Variants in KALRN observed in about 807,000 individuals in gnomAD.
The protein encoded by KALRN is kalirin.
A neutral mutation model predicts 353.7 loss-of-function variants in KALRN; 70 were observed. That is an observed-to-expected ratio of 0.20 (90% CI 0.16 to 0.24). KALRN has a LOEUF of 0.24. KALRN is among the 10% of genes least tolerant of loss of function. The pLI is 1.00. For synonymous variants in KALRN, 1,391 were observed against 1,434.8 expected, an observed-to-expected ratio of 0.97 and a Z score of 0.69; for missense variants, 2,791 against 3,756.7, an observed-to-expected ratio of 0.74 and a Z score of 6.72.
intron 1 of KALRN, among the ~76,000 whole-genome samples, chr3:124,120,711 A>AATATATATATATATATATATATATAT (rs368470724): frequency 5.1e-5 from 5 of 98,928 alleles, no homozygotes; most frequent in African/African-American, 1.7e-4. Flanking sequence ...GAATACTAAA[A>AATATATATATATATATATATATATAT]ATATATATAT....
chr3:124,490,893 G>A lies in KALRN; in HGVS notation c.4587+9G>A. On this transcript the variant is annotated intron_variant, in intron 30 of 59. Coordinates refer to ENST00000682506, the MANE Select transcript of KALRN (RefSeq NM_001388419.1). ...ACAAGAACAAGCTACTGGTAGGTGGGGCAGGTGGGGTAAGACAAGACTCCC... is the reference window on the plus strand; with the variant it reads ...ACAAGAACAAGCTACTGGTAGGTGGAGCAGGTGGGGTAAGACAAGACTCCC... 1 of 1,603,306 alleles carries A rather than the reference G, an allele frequency of 6.2e-7. No homozygotes were observed. The highest frequency in any genetic ancestry group is 8.5e-7 in the Non-Finnish European group (1 of 1,175,198).
rs181093337 is a variant in KALRN, at chr3:124,167,460, C to T, written c.74-60530C>T. Reference sequence around the variant, plus strand: ...ACCCGAGGAGAAAGATACAGCAAACCTGTTTTCCCATCTGTGAAATAAAGG... The same window carrying T: ...ACCCGAGGAGAAAGATACAGCAAACTTGTTTTCCCATCTGTGAAATAAAGG... On this transcript the variant is annotated intron_variant, in intron 1 of 59. Coordinates refer to ENST00000682506, the MANE Select transcript of KALRN (RefSeq NM_001388419.1). 1.8e-3 allele frequency among the ~76,000 whole-genome samples: 273 copies of T among 152,320 alleles called. 1 individual carries two copies. Among genetic ancestry groups the T allele is most frequent in the African/African-American group, 6.4e-3 (264 of 41,558 alleles).
chr3:124,582,442 G>A (rs1166448290), intron 34 of KALRN, among the ~76,000 whole-genome samples: 1 of 152,172 alleles, frequency 6.6e-6, no homozygotes, highest in Non-Finnish European at 1.5e-5. Context: ...AACCATCAGG[G>A]AGATGGCAGT....
intron 1 of KALRN, among the ~76,000 whole-genome samples, chr3:124,086,263 T>C (rs1480497632): frequency 6.6e-6 from 1 of 151,950 alleles, no homozygotes; most frequent in Non-Finnish European, 1.5e-5. Context: ...AATTGACTTA[T>C]AAGAATATTA....
intron 50 of KALRN, 102 bp downstream of exon 50, chr3:124,678,415 C>A (rs2087441360): frequency 8.0e-7 from 1 of 1,248,252 alleles, no homozygotes; most frequent in East Asian, 2.4e-5. Context: ...TTTTTTTTTT[C>A]CCAGTATGGG....
At chr3:124,217,722 C>G (rs2077478631) in intron 1 of KALRN, among the ~76,000 whole-genome samples, 1 of 152,140 alleles carries the variant, frequency 6.6e-6, no homozygotes, top group South Asian at 2.1e-4. Flanking sequence ...AGTTCAGGAC[C>G]AAGGACAGCG....
chr3:124,255,038 C>T lies in KALRN; in HGVS notation c.264-9460C>T, dbSNP rs562004837. ...TCAGCTCACTGCAACCTCCGCCTCC[C>T]GGGTTCAAGCAATTCTCCTGCCTCA... On this transcript the variant is annotated intron_variant, in intron 3 of 59. Transcript: ENST00000682506. Among the ~76,000 whole-genome samples, 235 of 152,244 alleles carry T rather than the reference C, an allele frequency of 1.5e-3. 1 individual carries two copies. The highest frequency in any genetic ancestry group is 5.2e-3 in the African/African-American group (217 of 41,544).
At chr3:124,427,648 A>C (rs985111162) in intron 15 of KALRN, among the ~76,000 whole-genome samples, 1 of 152,194 alleles carries the variant, frequency 6.6e-6, no homozygotes, top group African/African-American at 2.4e-5. Flanking sequence ...AAAGATCTTC[A>C]TGTCCAGTTC....
At chr3:124,407,285 A>G (rs546627305) in intron 13 of KALRN, among the ~76,000 whole-genome samples, 3 of 152,204 alleles carry the variant, frequency 2.0e-5, no homozygotes, top group Non-Finnish European at 4.4e-5. Flanking sequence ...AGTAGTCAGC[A>G]TTGTTATTAT....
chr3:124,212,784 T>C (rs1443086989), intron 1 of KALRN, among the ~76,000 whole-genome samples: 3 of 152,142 alleles, frequency 2.0e-5, no homozygotes, highest in African/African-American at 7.2e-5. Flanking sequence ...TGATGATTAT[T>C]GCCTTCTCAA....
intron 34 of KALRN, among the ~76,000 whole-genome samples, chr3:124,592,309 C>A (rs201491897): frequency 0.03 from 3,514 of 118,630 alleles, no homozygotes; most frequent in African/African-American, 0.034. Context: ...CTCAAAGAAA[C>A]AAAAAAAAAA....
At chr3:124,111,994 A>T (rs777053977) in intron 1 of KALRN, among the ~76,000 whole-genome samples, 60 of 150,700 alleles carry the variant, frequency 4.0e-4, no homozygotes, top group Non-Finnish European at 1.3e-4. Flanking sequence ...TTTGCAGAAG[A>T]AAGAAAATAT....
chr3:124,695,631 T>C (rs1356049834), intron 53 of KALRN, among the ~76,000 whole-genome samples: 3 of 152,194 alleles, frequency 2.0e-5, no homozygotes, highest in African/African-American at 7.2e-5. Context: ...GGGGAAGTTA[T>C]CATTTAGGTG....
intron 58 of KALRN, among the ~76,000 whole-genome samples, chr3:124,716,782 G>T (rs1249184288): frequency 1.1e-4 from 16 of 152,130 alleles, no homozygotes. Flanking sequence ...TTCCAGCCTG[G>T]GCGACACAGT....
intron 10 of KALRN, among the ~76,000 whole-genome samples, chr3:124,380,791 C>T (rs2087250948): frequency 6.6e-6 from 1 of 152,176 alleles, no homozygotes; most frequent in South Asian, 2.1e-4. Context: ...ATTTTCTGTA[C>T]ACATTTCTAT....
At chr3:124,566,025 GCTT>G (rs2109957479) in intron 34 of KALRN, among the ~76,000 whole-genome samples, 1 of 152,304 alleles carries the variant, frequency 6.6e-6, no homozygotes, top group Non-Finnish European at 1.5e-5. Context: ...AACCAGCATA[GCTT>G]CTTAAAGGTA....
intron 9 of KALRN, among the ~76,000 whole-genome samples, chr3:124,340,251 G>A (rs1174783407): frequency 6.6e-6 from 1 of 152,206 alleles, no homozygotes; most frequent in African/African-American, 2.4e-5. Flanking sequence ...ACTGGGCACT[G>A]TGGTTCATGC....
At chr3:124,184,303 A>G (rs775156374) in intron 1 of KALRN, among the ~76,000 whole-genome samples, 16 of 152,244 alleles carry the variant, frequency 1.1e-4, no homozygotes, top group Non-Finnish European at 2.4e-4. Flanking sequence ...TGTTGTAAGG[A>G]TGGGATGAAT....
chr3:124,497,472 T>TGA (rs1488524595), intron 33 of KALRN, among the ~76,000 whole-genome samples: 1 of 152,132 alleles, frequency 6.6e-6, no homozygotes, highest in Admixed American at 6.6e-5. Context: ...AAAAAACCAT[T>TGA]GAGACCTTAG....
Sources: allele counts gnomAD v4.1 joint callset (sites outside exome capture counted in the v4.1 genomes callset), GRCh38; gene constraint gnomAD v4.1.1; transcripts MANE v1.5; gene names NCBI Gene and HGNC (gene_info 2026-07-23, HGNC 2026-07-21).